Variants in SHISA9 observed in about 807,000 individuals in gnomAD.
SHISA9 encodes the protein protein shisa-9.
Under a neutral mutation model 38.0 loss-of-function variants are expected in SHISA9, and 13 were observed. The observed-to-expected ratio is 0.34, with a 90% CI of 0.22 to 0.54. SHISA9 has a LOEUF of 0.54. Among genes scored for constraint, SHISA9 ranks in the 20% least tolerant of loss-of-function variants. The pLI is 0.91. For synonymous variants in SHISA9, 275 were observed against 242.0 expected (o/e 1.14, Z -1.27); for missense variants, 538 against 575.8 (o/e 0.93, Z 0.67).
chr16:12,985,348 T>C (rs2072294597), intron 2 of SHISA9, among the ~76,000 whole-genome samples: 1 of 152,216 alleles, frequency 6.6e-6, no homozygotes, highest in African/African-American at 2.4e-5. Flanking sequence ...TTGGAATTTC[T>C]CTGTTACCAC....
Position 12,973,026 on chromosome 16 carries a change from G to T in SHISA9, c.691+56211G>T, listed in dbSNP as rs554071565. ...AGCTACTTGGGAGGCTGAGGCAGGA[G>T]AATCGCTTGAACCTGGGAGGCGGAG... On this transcript the variant is annotated intron_variant, in intron 2 of 4. Coordinates refer to ENST00000558583, the MANE Select transcript of SHISA9 (RefSeq NM_001145204.3). Among the ~76,000 whole-genome samples the T allele has an allele frequency of 2.0e-5, 3 of 152,298 alleles. No homozygotes were observed. In the East Asian group the frequency reaches 5.8e-4, roughly 29 times the overall value.
At chr16:13,098,208 A>G (rs2073845704) in intron 2 of SHISA9, among the ~76,000 whole-genome samples, 1 of 152,176 alleles carries the variant, frequency 6.6e-6, no homozygotes, top group Non-Finnish European at 1.5e-5. Flanking sequence ...TATGACACTT[A>G]GGGCCTCAGG....
chr16:13,335,760 G>C, the SHISA9 span, among the ~76,000 whole-genome samples: 1 of 152,098 alleles, frequency 6.6e-6, no homozygotes. Flanking sequence ...ACCATTTTGG[G>C]GGGGATCGGA....
At chr16:13,042,544 C>G (rs889840005) in intron 2 of SHISA9, among the ~76,000 whole-genome samples, 1 of 152,206 alleles carries the variant, frequency 6.6e-6, no homozygotes, top group African/African-American at 2.4e-5. Flanking sequence ...AGTTGGTTTC[C>G]TCTGAATTGA....
At chr16:13,398,484 C>T in the SHISA9 span, among the ~76,000 whole-genome samples, 1 of 149,218 alleles carries the variant, frequency 6.7e-6, no homozygotes, top group Non-Finnish European at 1.5e-5. Context: ...GGGTAGCTAC[C>T]AATGTGGTTT....
At chr16:13,291,662 T>C in the SHISA9 span, among the ~76,000 whole-genome samples, 1 of 152,224 alleles carries the variant, frequency 6.6e-6, no homozygotes, top group Non-Finnish European at 1.5e-5. Flanking sequence ...GATATTTGAG[T>C]TACTTATTTC....
At chr16:13,036,227 A>G (rs374041497) in intron 2 of SHISA9, among the ~76,000 whole-genome samples, 214 of 152,374 alleles carry the variant, frequency 1.4e-3, no homozygotes, top group African/African-American at 4.9e-3. Context: ...GCTCCAAGCT[A>G]AAAGTAACCC....
the SHISA9 span, among the ~76,000 whole-genome samples, chr16:13,287,301 G>A: frequency 1.3e-5 from 2 of 152,108 alleles, no homozygotes; most frequent in South Asian, 4.1e-4. Context: ...TGACTTTGAG[G>A]CACCGGTGGA....
At chr16:13,444,232 G>A in the SHISA9 span, among the ~76,000 whole-genome samples, 6 of 152,092 alleles carry the variant, frequency 3.9e-5, no homozygotes, top group South Asian at 2.1e-4. Context: ...TTAGCCAGGC[G>A]AGGTGGCACG....
At chr16:13,271,452 C>T in the SHISA9 span, among the ~76,000 whole-genome samples, 1 of 152,036 alleles carries the variant, frequency 6.6e-6, no homozygotes, top group Non-Finnish European at 1.5e-5. Context: ...TTATTATGAC[C>T]AGTGCTGTTA....
At chr16:13,124,674 A>G (rs1167163207) in intron 2 of SHISA9, among the ~76,000 whole-genome samples, 1 of 152,218 alleles carries the variant, frequency 6.6e-6, no homozygotes, top group East Asian at 1.9e-4. Context: ...ATCCTGAGCA[A>G]AAAGAACAAA....
At chr16:13,165,549 A>G (rs978047394) in intron 2 of SHISA9, among the ~76,000 whole-genome samples, 2 of 152,224 alleles carry the variant, frequency 1.3e-5, no homozygotes, top group Non-Finnish European at 2.9e-5. Context: ...GAAGTGACTG[A>G]GACTTAGGAA....
chr16:13,293,586 C>T, the SHISA9 span, among the ~76,000 whole-genome samples: 2 of 152,176 alleles, frequency 1.3e-5, no homozygotes, highest in African/African-American at 2.4e-5. Context: ...TAGTACAGTT[C>T]CTGACACAAA....
At chr16:13,471,135 A>C in the SHISA9 span, among the ~76,000 whole-genome samples, 1 of 152,016 alleles carries the variant, frequency 6.6e-6, no homozygotes, top group Non-Finnish European at 1.5e-5. Context: ...ACGGACTCAC[A>C]TATCTTATTG....
chr16:13,472,807 C>A, the SHISA9 span, among the ~76,000 whole-genome samples: 1 of 152,142 alleles, frequency 6.6e-6, no homozygotes, highest in Admixed American at 6.5e-5. Context: ...ATTCCATCTA[C>A]TGTTTTTAAA....
intron 2 of SHISA9, among the ~76,000 whole-genome samples, chr16:13,043,824 G>T (rs944055651): frequency 6.6e-6 from 1 of 152,122 alleles, no homozygotes; most frequent in Non-Finnish European, 1.5e-5. Flanking sequence ...CCTCTCTCCT[G>T]GATATCCCCT....
chr16:13,071,289 G>A (rs769819625), intron 2 of SHISA9, among the ~76,000 whole-genome samples: 2 of 152,142 alleles, frequency 1.3e-5, no homozygotes, highest in Non-Finnish European at 1.5e-5. Flanking sequence ...TCCCATACTA[G>A]GGATAAGAAT....
At chr16:12,973,836 T>A (rs1433458501) in intron 2 of SHISA9, among the ~76,000 whole-genome samples, 3 of 152,198 alleles carry the variant, frequency 2.0e-5, no homozygotes, top group Non-Finnish European at 4.4e-5. Flanking sequence ...GTTTTGCCAC[T>A]AATTGTCTGT....
the SHISA9 span, among the ~76,000 whole-genome samples, chr16:13,391,878 A>T: frequency 6.6e-6 from 1 of 152,222 alleles, no homozygotes; most frequent in African/African-American, 2.4e-5. Context: ...GGACTATGAA[A>T]AGTCCATCTG....
Sources: allele counts gnomAD v4.1 joint callset (sites outside exome capture counted in the v4.1 genomes callset), GRCh38; gene constraint gnomAD v4.1.1; transcripts MANE v1.5; gene names NCBI Gene and HGNC (gene_info 2026-07-23, HGNC 2026-07-21).